Variants in OPCML observed in about 807,000 individuals in gnomAD.
OPCML encodes the protein opioid-binding protein/cell adhesion molecule.
In OPCML, 13 loss-of-function variants were observed where a neutral mutation model predicts 37.8. That is an observed-to-expected ratio of 0.34 (90% CI 0.22 to 0.55). The LOEUF (loss-of-function observed/expected upper bound fraction) is 0.55. Ranked by LOEUF, OPCML falls within the 20% of genes least tolerant of loss-of-function variation. OPCML has a pLI of 0.91. For missense variants in OPCML, 341 were observed against 435.6 expected (o/e 0.78, Z 1.93); for synonymous variants, 176 against 168.8 (o/e 1.04, Z -0.33).
chr11:133,035,543 C>T (rs1012127302), intron 1 of OPCML, among the ~76,000 whole-genome samples: 3 of 152,166 alleles, frequency 2.0e-5, no homozygotes, highest in Admixed American at 2.0e-4. Flanking sequence ...TTATTTCTTC[C>T]AGTATGTGGC....
chr11:133,184,348 G>A (rs959805781), intron 1 of OPCML, among the ~76,000 whole-genome samples: 2 of 152,162 alleles, frequency 1.3e-5, no homozygotes, highest in African/African-American at 4.8e-5. Context: ...TTTTTATGGA[G>A]GTGGGATTAG....
At position 133,206,429 on chromosome 11, in the gene OPCML, A is replaced by ATACTATATG. The variant is rs1380802987; in HGVS notation, c.62-263420_62-263419insCATATAGTA. On this transcript the variant is annotated intron_variant, in intron 1 of 7. Coordinates refer to ENST00000524381, the MANE Select transcript of OPCML (RefSeq NM_001012393.5). The surrounding 1 kb of genome is among the most constrained non-coding windows in gnomAD (Gnocchi z 4.7). ...AGTTTCCTGAGCTATGAAATATAAA[A>ATACTATATG]ACTATATGATCAAAGGCCCTTTCAG... 6.6e-6 allele frequency among the ~76,000 whole-genome samples: 1 copy of ATACTATATG among 152,186 alleles called. No homozygotes were observed. The highest frequency in any genetic ancestry group is 1.5e-5 in the Non-Finnish European group (1 of 68,028).
intron 3 of OPCML, among the ~76,000 whole-genome samples, chr11:132,557,965 C>A (rs1037337830): frequency 6.6e-6 from 1 of 152,060 alleles, no homozygotes; most frequent in African/African-American, 2.4e-5. Context: ...TCAGGTGGAA[C>A]AAATGAGACA....
At chr11:132,927,377 G>T (rs2136614700) in intron 2 of OPCML, among the ~76,000 whole-genome samples, 1 of 152,240 alleles carries the variant, frequency 6.6e-6, no homozygotes, top group African/African-American at 2.4e-5. Flanking sequence ...TTGCCTCCCA[G>T]AAGGCGGTGG....
chr11:133,224,168 T>C (rs1939945094), intron 1 of OPCML, among the ~76,000 whole-genome samples: 2 of 152,186 alleles, frequency 1.3e-5, no homozygotes, highest in African/African-American at 4.8e-5. Context: ...AGGAGCACTT[T>C]GCCATTAGTC....
At chr11:133,329,347 T>C (rs1943561947) in intron 1 of OPCML, among the ~76,000 whole-genome samples, 2 of 152,154 alleles carry the variant, frequency 1.3e-5, no homozygotes, top group South Asian at 4.1e-4. Context: ...AAAGTTCATA[T>C]GGCACCAAAA....
intron 1 of OPCML, among the ~76,000 whole-genome samples, chr11:133,181,195 G>A (rs1937813086): frequency 6.6e-6 from 1 of 152,166 alleles, no homozygotes; most frequent in South Asian, 2.1e-4. Context: ...ACGGGTCATT[G>A]TGGTGTTAAA....
intron 1 of OPCML, among the ~76,000 whole-genome samples, chr11:133,479,606 AAGGAATCCT>A (rs1947330408): frequency 6.6e-6 from 1 of 152,176 alleles, no homozygotes; most frequent in Non-Finnish European, 1.5e-5. Context: ...CAGCACACCA[AAGGAATCCT>A]ACAGTGACTC....
At chr11:132,556,526 C>G (rs1363553416) in intron 3 of OPCML, among the ~76,000 whole-genome samples, 1 of 152,152 alleles carries the variant, frequency 6.6e-6, no homozygotes, top group Non-Finnish European at 1.5e-5. Context: ...AAAGGTCACA[C>G]AAACAGGAGA....
chr11:133,519,916 G>T (rs960136900), intron 1 of OPCML, among the ~76,000 whole-genome samples: 2 of 152,204 alleles, frequency 1.3e-5, no homozygotes, highest in Non-Finnish European at 2.9e-5. Flanking sequence ...ATGTGAGACA[G>T]ACCTGGGGCT....
At chr11:133,325,469 T>C (rs1943428415) in intron 1 of OPCML, among the ~76,000 whole-genome samples, 1 of 152,134 alleles carries the variant, frequency 6.6e-6, no homozygotes, top group Non-Finnish European at 1.5e-5. Flanking sequence ...CTATTCCCAC[T>C]GAAGTAATTT....
chr11:133,127,950 A>G (rs1220522679), intron 1 of OPCML, among the ~76,000 whole-genome samples: 3 of 152,034 alleles, frequency 2.0e-5, no homozygotes, highest in Non-Finnish European at 2.9e-5. Context: ...TTTGTTCCGC[A>G]TATGGAAGAC....
chr11:132,481,506 T>A (rs943802872), intron 4 of OPCML, among the ~76,000 whole-genome samples: 3 of 149,600 alleles, frequency 2.0e-5, no homozygotes, highest in Non-Finnish European at 3.0e-5. Context: ...ATTAGACAGA[T>A]GAACGAGACA....
chr11:132,449,133 C>T (rs2096062520), intron 4 of OPCML, among the ~76,000 whole-genome samples: 1 of 152,176 alleles, frequency 6.6e-6, no homozygotes, highest in African/African-American at 2.4e-5. Context: ...TGACAGTCCA[C>T]ACACAAAAAT....
At position 132,532,443 on chromosome 11, in the gene OPCML, A is replaced by G. The variant is rs183268376; in HGVS notation, c.380-3257T>C. ...TTAATATGCAACTTTGTTGTTTTCA[A>G]ATTGCTTGTTTATGGAGAGAAGATC... On this transcript the variant is annotated intron_variant, in intron 3 of 7. Transcript: ENST00000524381. 5.4e-4 allele frequency among the ~76,000 whole-genome samples: 82 copies of G among 152,276 alleles called. 1 individual carries two copies. Among genetic ancestry groups the G allele is most frequent in the Admixed American group, 3.1e-3 (48 of 15,280 alleles).
At chr11:133,335,002 G>A (rs534024575) in intron 1 of OPCML, among the ~76,000 whole-genome samples, 1 of 152,326 alleles carries the variant, frequency 6.6e-6, no homozygotes, top group African/African-American at 2.4e-5. Context: ...TTAAATGGAT[G>A]CATGTTTCAA....
At chr11:132,535,552 CT>C (rs2096338455) in intron 3 of OPCML, among the ~76,000 whole-genome samples, 1 of 152,100 alleles carries the variant, frequency 6.6e-6, no homozygotes, top group African/African-American at 2.4e-5. Context: ...GTGTTTGGGG[CT>C]TTATTATCTA....
intron 2 of OPCML, among the ~76,000 whole-genome samples, chr11:132,735,269 C>A (rs921297247): frequency 3.9e-5 from 6 of 151,910 alleles, no homozygotes; most frequent in Non-Finnish European, 5.9e-5. Context: ...GTTGTGAAAT[C>A]TTTTGTTAAG....
At chr11:133,499,152 C>A (rs960379282) in intron 1 of OPCML, among the ~76,000 whole-genome samples, 1 of 152,176 alleles carries the variant, frequency 6.6e-6, no homozygotes, top group African/African-American at 2.4e-5. Flanking sequence ...CCAGCTCCCT[C>A]CAGAAGTCAA....
Sources: allele counts gnomAD v4.1 joint callset (sites outside exome capture counted in the v4.1 genomes callset), GRCh38; gene constraint gnomAD v4.1.1; non-coding constraint Gnocchi (gnomAD v3.1); transcripts MANE v1.5; gene names NCBI Gene and HGNC (gene_info 2026-07-23, HGNC 2026-07-21).